The following CSMD2 variants were observed in gnomAD, a reference collection of about 807,000 sequenced individuals.
CSMD2 encodes CUB and Sushi multiple domains 2, also known as CUB and sushi domain-containing protein 2.
CSMD2 carries 130 observed loss-of-function variants against 398.5 expected under a neutral mutation model. That is an observed-to-expected ratio of 0.33 (90% CI 0.28 to 0.38). CSMD2 has a LOEUF of 0.38. CSMD2 is among the 10% of genes least tolerant of loss of function. The pLI, the probability that CSMD2 is intolerant of heterozygous loss-of-function variation, is 1.00. For synonymous variants in CSMD2, 1,828 were observed against 1,908.5 expected (o/e 0.96, Z 1.10); for missense variants, 3,829 against 4,764.9 (o/e 0.80, Z 5.78).
intron 1 of CSMD2, among the ~76,000 whole-genome samples, chr1:34,133,895 C>T (rs1638420477): frequency 1.3e-5 from 2 of 151,688 alleles, no homozygotes; most frequent in Admixed American, 1.3e-4. Flanking sequence ...ATGGTGAAAT[C>T]CCGTCTCTAC....
intron 10 of CSMD2, among the ~76,000 whole-genome samples, chr1:33,803,394 A>G (rs143717079): frequency 2.1e-3 from 318 of 152,328 alleles, no homozygotes; most frequent in Non-Finnish European, 3.9e-3. Flanking sequence ...ATGACATTGA[A>G]TGAACCACAG....
chr1:33,729,453 CTT>C (rs200820125), intron 15 of CSMD2, among the ~76,000 whole-genome samples: 65 of 103,814 alleles, frequency 6.3e-4, no homozygotes, highest in African/African-American at 2.1e-3. Flanking sequence ...GGGGAGGATT[CTT>C]TTTTTTTTTT....
chr1:33,676,060 G>T (rs1478083171), intron 25 of CSMD2, among the ~76,000 whole-genome samples: 3 of 152,196 alleles, frequency 2.0e-5, no homozygotes, highest in Admixed American at 2.0e-4. Flanking sequence ...AGACAGGGAT[G>T]CCCTCTCTCA....
intron 60 of CSMD2, among the ~76,000 whole-genome samples, 186 bp downstream of exon 60, chr1:33,540,339 A>G (rs1209376517): frequency 6.6e-6 from 1 of 151,854 alleles, no homozygotes; most frequent in Non-Finnish European, 1.5e-5. Flanking sequence ...ACCAGGGCTC[A>G]ATTAAGGGAT....
intron 2 of CSMD2, among the ~76,000 whole-genome samples, chr1:34,085,261 G>A (rs562493287): frequency 6.6e-6 from 1 of 152,104 alleles, no homozygotes; most frequent in East Asian, 1.9e-4. Flanking sequence ...GGATAGCATT[G>A]GGAGATATAC....
At chr1:33,672,707 A>C (rs915541061) in intron 25 of CSMD2, among the ~76,000 whole-genome samples, 11 of 152,098 alleles carry the variant, frequency 7.2e-5, no homozygotes, top group Admixed American at 6.5e-5. Context: ...CTGGGAGGCA[A>C]CCCCCAGTAG....
At position 33,977,209 on chromosome 1, in the gene CSMD2, G is replaced by C. The variant is rs190957153; in HGVS notation, c.518-41255C>G. On this transcript the variant is annotated intron_variant, in intron 3 of 70. Coordinates refer to ENST00000373381, the MANE Select transcript of CSMD2 (RefSeq NM_001281956.2). ...ACCTTCCCATAGAACTCCCAGCCTG[G>C]CAGCAGGGCTGGGTGGGGAGTGGGC... Among the ~76,000 whole-genome samples, 1,130 of 152,168 alleles carry C rather than the reference G, an allele frequency of 7.4e-3. 10 individuals carry two copies. The highest frequency in any genetic ancestry group is 0.014 in the Non-Finnish European group (938 of 68,016).
chr1:33,921,291 T>A (rs1643928772), intron 4 of CSMD2, among the ~76,000 whole-genome samples: 1 of 152,222 alleles, frequency 6.6e-6, no homozygotes, highest in Non-Finnish European at 1.5e-5. Context: ...ACAGTATTTC[T>A]GCCTTGAGTA....
intron 5 of CSMD2, among the ~76,000 whole-genome samples, chr1:33,894,137 G>A (rs1642225213): frequency 6.6e-6 from 1 of 152,152 alleles, no homozygotes; most frequent in Admixed American, 6.5e-5. Flanking sequence ...TCAAATTTCA[G>A]TGGCTCCCCA....
At chr1:33,887,290 T>C (rs74069734) in intron 5 of CSMD2, among the ~76,000 whole-genome samples, 2,251 of 151,710 alleles carry the variant, frequency 0.015, 61 homozygotes, top group African/African-American at 0.051. Flanking sequence ...TGCAGCAATA[T>C]TTATAACATA....
intron 10 of CSMD2, among the ~76,000 whole-genome samples, chr1:33,809,286 A>G (rs1427564673): frequency 1.7e-5 from 2 of 118,808 alleles, no homozygotes; most frequent in East Asian, 2.7e-4. Flanking sequence ...TAAACAATAT[A>G]TAGGCATGTA....
At chr1:33,882,838 T>C (rs984338867) in intron 5 of CSMD2, among the ~76,000 whole-genome samples, 6 of 152,222 alleles carry the variant, frequency 3.9e-5, no homozygotes, top group African/African-American at 1.4e-4. Flanking sequence ...CCTTCTTTCC[T>C]TCCCTTCTCT....
At chr1:33,606,844 T>C (rs1640646880) in intron 41 of CSMD2, among the ~76,000 whole-genome samples, 1 of 152,092 alleles carries the variant, frequency 6.6e-6, no homozygotes, top group South Asian at 2.1e-4. Context: ...TCAGTGAGAG[T>C]ACCTCAACAC....
chr1:33,917,069 C>T (rs1643760889), intron 5 of CSMD2, among the ~76,000 whole-genome samples: 1 of 152,178 alleles, frequency 6.6e-6, no homozygotes, highest in Non-Finnish European at 1.5e-5. Context: ...CACCCCTATG[C>T]CCTCCGTCCA....
intron 3 of CSMD2, among the ~76,000 whole-genome samples, chr1:33,993,531 G>A (rs898530377): frequency 6.6e-6 from 1 of 151,674 alleles, no homozygotes; most frequent in Non-Finnish European, 1.5e-5. Context: ...CTATCAGCAA[G>A]TCCACACTTC....
At position 33,957,740 on chromosome 1, in the gene CSMD2, C is replaced by T. The variant is rs149929554; in HGVS notation, c.518-21786G>A. On this transcript the variant is annotated intron_variant, in intron 3 of 70. Transcript: ENST00000373381. ...ACAGAAGGGGCAGCTGAGAGACAGTCTCTCTGGACCCACAGTGACTGAAGA... is the reference window on the plus strand; with the variant it reads ...ACAGAAGGGGCAGCTGAGAGACAGTTTCTCTGGACCCACAGTGACTGAAGA... Among the ~76,000 whole-genome samples the T allele has an allele frequency of 2.2e-4, 34 of 152,274 alleles. No individual in the cohort carries two copies. The East Asian group carries it at 6.4e-3, about 29-fold the overall frequency.
intron 3 of CSMD2, among the ~76,000 whole-genome samples, chr1:33,959,132 T>C (rs1645264634): frequency 6.6e-6 from 1 of 152,176 alleles, no homozygotes; most frequent in Non-Finnish European, 1.5e-5. Context: ...AACCTGCTGA[T>C]CTAGGTGGAG....
At chr1:33,948,895 G>C (rs1644919378) in intron 3 of CSMD2, among the ~76,000 whole-genome samples, 1 of 152,174 alleles carries the variant, frequency 6.6e-6, no homozygotes, top group African/African-American at 2.4e-5. Context: ...AGGGCTGTCA[G>C]GGTCAGGGAG....
intron 25 of CSMD2, among the ~76,000 whole-genome samples, chr1:33,665,120 A>G (rs1644265979): frequency 6.6e-6 from 1 of 152,146 alleles, no homozygotes; most frequent in South Asian, 2.1e-4. Context: ...TTCTTTATCC[A>G]TCTTAATTGA....
Sources: gnomAD v4.1 joint callset for allele counts (sites outside exome capture counted in the v4.1 genomes callset) on GRCh38, gnomAD v4.1.1 for gene constraint, MANE v1.5 for transcripts, NCBI Gene and HGNC (gene_info 2026-07-23, HGNC 2026-07-21) for gene names.